The following MATR3 variants were observed in gnomAD, a reference collection of about 807,000 sequenced individuals.
The protein encoded by MATR3 is matrin-3.
A neutral mutation model predicts 85.5 loss-of-function variants in MATR3; 4 were observed. The ratio of observed to expected loss-of-function variants is 0.05; its 90% confidence interval spans 0.02 to 0.11. The LOEUF (loss-of-function observed/expected upper bound fraction) is 0.11. MATR3 is among the 10% of genes least tolerant of loss of function. The pLI is 1.00. For synonymous variants in MATR3, 336 were observed against 343.1 expected (o/e 0.98, Z 0.23); for missense variants, 685 against 1,016.1 (o/e 0.67, Z 4.43).
rs1755725551 is a variant in MATR3 at position 139,324,263 on chromosome 5, T to TG, written c.2149-1174dup. On this transcript the variant is annotated intron_variant, in intron 12 of 14. Transcript: ENST00000394805. ...AAGACACAGAGCCAAAATTTAAACT[T>TG]GGGCAGTCATTCTTCAGAGCATGAT... 6.0e-5 allele frequency among the ~76,000 whole-genome samples: 9 copies of TG among 150,198 alleles called. No individual in the cohort carries two copies. The South Asian group carries it at 1.9e-3, about 32-fold the overall frequency.
chr5:139,298,980 C>T (rs2151936683), intron 1 of MATR3, among the ~76,000 whole-genome samples: 1 of 152,276 alleles, frequency 6.6e-6, no homozygotes, highest in South Asian at 2.1e-4. Flanking sequence ...CAGAACAGTA[C>T]ATTTTAAGTC....
chr5:139,281,353 T>G lies in MATR3; in HGVS notation c.-178+2224T>G, dbSNP rs574636540. ...GCCTGGCCTCGAAGTAGTTTTTTTT[T>G]TTGTTTTTTTTTTTTTTTTTGCTCT... On this transcript the variant is annotated intron_variant, in intron 3 of 16. Transcript: ENST00000509990. 8.4e-4 allele frequency among the ~76,000 whole-genome samples: 124 copies of G among 147,850 alleles called. 1 individual carries two copies. Among genetic ancestry groups the G allele is most frequent in the Admixed American group, 2.0e-3 (30 of 14,772 alleles).
chr5:139,322,288 C>T, intron 10 of MATR3, among the ~76,000 whole-genome samples, 175 bp from the exon 11 acceptor site: 1 of 152,074 alleles, frequency 6.6e-6, no homozygotes, highest in African/African-American at 2.4e-5. Flanking sequence ...TTTTATTTTC[C>T]ACTTCTCTGT....
At chr5:139,319,305 T>G (rs1755419269) in intron 8 of MATR3, 29 bp from the exon 9 acceptor site, 4 of 1,601,724 alleles carry the variant, frequency 2.5e-6, no homozygotes, top group Non-Finnish European at 2.6e-6. Flanking sequence ...ATTGCACATT[T>G]GTCCTTTTGT....
intron 14 of MATR3, among the ~76,000 whole-genome samples, chr5:139,327,433 T>C (rs1445462244): frequency 6.6e-6 from 1 of 152,156 alleles, no homozygotes; most frequent in Non-Finnish European, 1.5e-5. Flanking sequence ...TTTTATTTTA[T>C]TTTTTTGAGA....
At chr5:139,290,831 G>A (rs1386068058), upstream of MATR3, among the ~76,000 whole-genome samples, 2 of 151,890 alleles carry the variant, frequency 1.3e-5, no homozygotes, top group Non-Finnish European at 2.9e-5. Context: ...TCTTTCCCTG[G>A]GCTCAAGACC....
chr5:139,296,994 A>G (rs1484729532), intron 1 of MATR3, among the ~76,000 whole-genome samples: 2 of 152,144 alleles, frequency 1.3e-5, no homozygotes, highest in Non-Finnish European at 2.9e-5. Flanking sequence ...AACATGGCGA[A>G]ACCCCATTTC....
At chr5:139,304,739 G>T (rs1754623283) in intron 1 of MATR3, among the ~76,000 whole-genome samples, 1 of 152,156 alleles carries the variant, frequency 6.6e-6, no homozygotes, top group Non-Finnish European at 1.5e-5. Context: ...AACCTCTAGT[G>T]CAGTTTCCTA....
At chr5:139,313,219 G>A (rs763926256) in intron 2 of MATR3, 2 of 151,664 alleles carry the variant, frequency 1.3e-5, no homozygotes, top group African/African-American at 4.8e-5. Context: ...GGGTAGTGTG[G>A]GTGTTACAGA....
intron 3 of MATR3, among the ~76,000 whole-genome samples, chr5:139,286,955 CTTTTA>C (rs778060834): frequency 4.6e-5 from 7 of 152,150 alleles, no homozygotes; most frequent in South Asian, 4.2e-4. Context: ...GAGCAGAGAC[CTTTTA>C]TTTTGTTTTA....
chr5:139,318,236 C>A (rs1755354430), intron 7 of MATR3, among the ~76,000 whole-genome samples: 1 of 151,852 alleles, frequency 6.6e-6, no homozygotes, highest in Non-Finnish European at 1.5e-5. Context: ...TGTGTTCAAG[C>A]GATTCTCCTA....
In MATR3 at chr5:139,296,724, G is replaced by A. The variant is rs577135331; in HGVS notation, c.-178+2919G>A. Among the ~76,000 whole-genome samples the A allele has an allele frequency of 7.9e-5, 12 of 152,254 alleles. No homozygotes were observed. The East Asian group carries it at 1.9e-3, about 24-fold the overall frequency. On this transcript the variant is annotated intron_variant, in intron 1 of 14. Transcript: ENST00000394805. ...CAAAAATGTTAAAATCATTATTATTGGAAATAGTACTAATTAGCTTACAAT... is the reference window on the plus strand; with the variant it reads ...CAAAAATGTTAAAATCATTATTATTAGAAATAGTACTAATTAGCTTACAAT...
intron 1 of MATR3, among the ~76,000 whole-genome samples, chr5:139,275,276 C>T (rs1176685711): frequency 1.3e-5 from 2 of 148,896 alleles, no homozygotes; most frequent in Non-Finnish European, 1.5e-5. Flanking sequence ...GGATTACAGG[C>T]GTGAGCCACC....
chr5:139,289,144 A>C (rs1753796956), upstream of MATR3, among the ~76,000 whole-genome samples: 1 of 152,244 alleles, frequency 6.6e-6, no homozygotes, highest in Admixed American at 6.5e-5. Context: ...CAAGCCTGTC[A>C]AATGATTGGC....
intron 2 of MATR3, chr5:139,276,254 AGCTG>A (rs1753272112): frequency 2.2e-6 from 1 of 455,146 alleles, no homozygotes; most frequent in Admixed American, 2.4e-5. Flanking sequence ...AGCAGCCAAT[AGCTG>A]GTTGGCATTC....
Position 139,326,228 on chromosome 5 carries a change from G to A in MATR3, c.2437G>A (p.Glu813Lys), listed in dbSNP as rs1318506665. Residue 813 changes from glutamate (E) to lysine (K), a missense_variant, in exon 14 of 15, where the codon GAA (glutamate) becomes AAA (lysine). This residue lies in a region of MATR3 where 45 missense variants were observed against 82.5 expected (regional missense o/e 0.55). Coordinates refer to ENST00000394805, the MANE Select transcript of MATR3 (RefSeq NM_018834.6). ...CKLCSLFYTN[E>K]EVAKNTHCSS... is the part of the protein sequence containing the mutation. ...GCTGTGTTCACTCTTTTATACAAAT[G>A]AAGAAGTTGCAAAGAATACTCATTG... 5.6e-6 allele frequency: 9 copies of A among 1,613,218 alleles called. No individual in the cohort carries two copies. Among genetic ancestry groups the A allele is most frequent in the Non-Finnish European group, 7.6e-6 (9 of 1,179,448 alleles).
At chr5:139,305,084 A>G (rs1754639502) in intron 1 of MATR3, among the ~76,000 whole-genome samples, 2 of 152,206 alleles carry the variant, frequency 1.3e-5, no homozygotes, top group Admixed American at 1.3e-4. Flanking sequence ...AATATCCTTG[A>G]TGGAGCTGCA....
intron 1 of MATR3, among the ~76,000 whole-genome samples, chr5:139,305,383 TTA>T (rs1379599598): frequency 6.6e-6 from 1 of 152,194 alleles, no homozygotes; most frequent in Non-Finnish European, 1.5e-5. Context: ...TGTAATACCA[TTA>T]TATAATTTCT....
At chr5:139,298,141 T>C (rs1384287183) in intron 1 of MATR3, among the ~76,000 whole-genome samples, 3 of 152,224 alleles carry the variant, frequency 2.0e-5, no homozygotes, top group Admixed American at 6.5e-5. Context: ...TTGGTTTTTT[T>C]CCTCCTTTGT....
Sources: gnomAD v4.1 joint callset for allele counts (sites outside exome capture counted in the v4.1 genomes callset) on GRCh38, gnomAD v4.1.1 for gene constraint, gnomAD v4.1.1 regional missense constraint, MANE v1.5 for transcripts, NCBI Gene and HGNC (gene_info 2026-07-23, HGNC 2026-07-21) for gene names.